NKD1: variants seen among roughly 807,000 people sequenced by gnomAD.
NKD1 encodes the protein protein naked cuticle homolog 1.
A neutral mutation model predicts 56.0 loss-of-function variants in NKD1; 21 were observed. The ratio of observed to expected loss-of-function variants is 0.38; its 90% CI spans 0.27 to 0.54. NKD1 has a LOEUF of 0.54. NKD1 is among the 20% of genes least tolerant of loss of function. The pLI, the probability that NKD1 is intolerant of heterozygous loss-of-function variation, is 0.82. For missense variants in NKD1, 578 were observed against 642.7 expected, an observed-to-expected ratio of 0.90 and a Z score of 1.09; for synonymous variants, 263 against 265.7, an observed-to-expected ratio of 0.99 and a Z score of 0.10.
At chr16:50,602,357 A>C (rs1278728509) in intron 3 of NKD1, among the ~76,000 whole-genome samples, 2 of 152,164 alleles carry the variant, frequency 1.3e-5, no homozygotes, top group Non-Finnish European at 2.9e-5. Flanking sequence ...TGTGAGCATC[A>C]TCTTGTCTGG....
At chr16:50,571,055 T>G in intron 3 of NKD1, 2 of 945,974 alleles carry the variant, frequency 2.1e-6, no homozygotes, top group Non-Finnish European at 2.5e-6. Flanking sequence ...GGACATCTCC[T>G]CCCTGGGGCT....
At chr16:50,561,467 C>G (rs1372503630) in intron 3 of NKD1, among the ~76,000 whole-genome samples, 4 of 151,864 alleles carry the variant, frequency 2.6e-5, no homozygotes, top group African/African-American at 9.7e-5. Context: ...CACTTTGGAC[C>G]AAGCCTGGGA....
chr16:50,621,686 C>A lies in NKD1; in HGVS notation c.344C>A (p.Ser115Tyr), dbSNP rs759941356. The change falls in exon 5 of 10, where the codon TCC becomes TAC. Residue 115 changes from serine (S) to tyrosine (Y), a missense_variant. Transcript: ENST00000268459. ...AGAGTGAGCGAACCCTGCCCAGGCT[C>A]CAAGAAGCAGCTGAAGTTTGAAGTA... ...MERVSEPCPG[S>Y]KKQLKFEELQ... The A allele has an allele frequency of 4.4e-5, 71 of 1,613,676 alleles. No homozygotes were observed. The highest frequency in any genetic ancestry group is 5.9e-5 in the Non-Finnish European group (70 of 1,179,834).
At chr16:50,571,482 C>T (rs1431100906) in intron 3 of NKD1, 1 of 985,304 alleles carries the variant, frequency 1.0e-6, no homozygotes, top group African/African-American at 1.7e-5. Context: ...CACACCCAAA[C>T]AGCCTGTCGG....
Position 50,633,654 on chromosome 16 carries a change from G to A in NKD1, c.1286G>A (p.Arg429Gln), listed in dbSNP as rs762606234. 13 of 1,605,278 alleles carry A rather than the reference G, an allele frequency of 8.1e-6. No individual in the cohort carries two copies. Among genetic ancestry groups the A allele is most frequent in the South Asian group, 3.3e-5 (3 of 90,022 alleles). Residue 429 changes from arginine to glutamine, a missense_variant, in exon 10 of 10, where the codon CGG becomes CAG. Arg to Gln is a conservative substitution (Grantham distance 43, BLOSUM62 1). Coordinates refer to ENST00000268459, the MANE Select transcript of NKD1 (RefSeq NM_033119.5). The surrounding 1 kb of genome is among the most constrained non-coding windows in gnomAD (Gnocchi z 4.9). Reference sequence around the variant, plus strand: ...GCCTCAGGTGGCCCTGTCCTGGGGCGGGAGCACCTGCGGGAGCTGCCCGCC... The same window carrying A: ...GCCTCAGGTGGCCCTGTCCTGGGGCAGGAGCACCTGCGGGAGCTGCCCGCC... The part of the protein sequence containing the change: ...PLASGGPVLG[R>Q]EHLRELPALV...
At position 50,589,827 on chromosome 16, in the gene NKD1, C is replaced by T. The variant is rs976207691; in HGVS notation, c.193-18467C>T. 1.8e-4 allele frequency among the ~76,000 whole-genome samples: 19 copies of T among 107,750 alleles called. 1 individual carries two copies. The highest frequency in any genetic ancestry group is 6.2e-4 in the African/African-American group (17 of 27,248). The allele number at this position is 107,750 out of a possible 152,430, so 70.7% of individuals were successfully genotyped here. On this transcript the variant is annotated intron_variant, in intron 3 of 9. Coordinates refer to ENST00000268459, the MANE Select transcript of NKD1 (RefSeq NM_033119.5). ...CTCTCCTCTCCTCTCCTCTCCTCTC[C>T]TCTCTTTTCTCTTCTCTTTTTTTTC...
Position 50,632,128 on chromosome 16 carries a change from GTA to G in NKD1, c.696-150_696-149del, listed in dbSNP as rs1316751698. On this transcript the variant is annotated intron_variant, in intron 8 of 9. Coordinates refer to ENST00000268459, the MANE Select transcript of NKD1 (RefSeq NM_033119.5). This position sits in a 1 kb window ranked among gnomAD's most constrained non-coding sequence, Gnocchi z 4.1. ...AAGGAGGGAAATGGAGGCACAGTTCGTATAGAGGACTGTTCCTCCCCACCCTC... is the reference window on the plus strand; with the variant it reads ...AAGGAGGGAAATGGAGGCACAGTTCGTAGAGGACTGTTCCTCCCCACCCTC... Among the ~76,000 whole-genome samples the G allele has an allele frequency of 2.0e-5, 3 of 152,208 alleles. No homozygotes were observed. Among genetic ancestry groups the G allele is most frequent in the Non-Finnish European group, 4.4e-5 (3 of 68,036 alleles).
At chr16:50,616,182 C>A (rs1555490889) in intron 4 of NKD1, 14 of 425,466 alleles carry the variant, frequency 3.3e-5, no homozygotes, top group South Asian at 2.1e-4. Flanking sequence ...CAGACTCTAG[C>A]AAGGAAGTTC....
chr16:50,573,943 CTT>C (rs1332695390), intron 3 of NKD1: 1 of 985,164 alleles, frequency 1.0e-6, no homozygotes, highest in Admixed American at 6.1e-5. Context: ...CCAGCAGTCT[CTT>C]TTTAACACAC....
chr16:50,606,981 A>G (rs1420964647), intron 3 of NKD1: 1 of 456,904 alleles, frequency 2.2e-6, no homozygotes, highest in Admixed American at 2.3e-5. Flanking sequence ...CTGTTAACAC[A>G]AACAGCCAGT....
intron 3 of NKD1, among the ~76,000 whole-genome samples, chr16:50,584,719 C>T (rs892008350): frequency 3.3e-5 from 5 of 152,206 alleles, no homozygotes; most frequent in African/African-American, 1.2e-4. Context: ...GCCATAGGCA[C>T]ATGGAGAATT....
rs80172218 is a variant in NKD1 at position 50,632,908 on chromosome 16, C to T, written c.824-284C>T. Among the ~76,000 whole-genome samples the T allele has an allele frequency of 0.013, 1,948 of 152,218 alleles. 46 individuals carry two copies. Among genetic ancestry groups the T allele is most frequent in the African/African-American group, 0.045 (1,851 of 41,520 alleles). ...CAATATACTTAGAGTTCTTTCTTGC[C>T]CCAGTGACCTTAGATAGTTTTCGGG... On this transcript the variant is annotated intron_variant, in intron 9 of 9. Transcript: ENST00000268459. The surrounding 1 kb of genome is among the most constrained non-coding windows in gnomAD (Gnocchi z 4.1).
chr16:50,555,327 C>T (rs1247761832), intron 3 of NKD1: 7 of 152,466 alleles, frequency 4.6e-5, no homozygotes, highest in East Asian at 3.9e-4. Context: ...TGGAAAGCCT[C>T]GTGCATTGGT....
chr16:50,625,732 G>A (rs1353612441), intron 6 of NKD1, 152 bp downstream of exon 6: 7 of 628,800 alleles, frequency 1.1e-5, no homozygotes, highest in South Asian at 3.7e-5. Flanking sequence ...GAGCTCCTGC[G>A]AGATCTGGAG....
intron 8 of NKD1, among the ~76,000 whole-genome samples, chr16:50,631,733 G>A (rs542557891): frequency 6.5e-4 from 99 of 152,284 alleles, no homozygotes; most frequent in Non-Finnish European, 1.2e-3. Context: ...GAAAGCCTCT[G>A]GCAGCATCTC....
chr16:50,621,347 A>G (rs914581612), intron 4 of NKD1, among the ~76,000 whole-genome samples: 1 of 152,196 alleles, frequency 6.6e-6, no homozygotes, highest in African/African-American at 2.4e-5. Flanking sequence ...ATAGGGCAGA[A>G]GTCATAGGCT....
rs1316486112 is a variant in NKD1 at position 50,598,958 on chromosome 16, G to A, written c.193-9336G>A. Reference sequence around the variant, plus strand: ...TCAGTGGTGTGGTGGGGTCAGTGGTGTGGTGGGCAGTGGCTTAGAGAGGTC... The same window carrying A: ...TCAGTGGTGTGGTGGGGTCAGTGGTATGGTGGGCAGTGGCTTAGAGAGGTC... On this transcript the variant is annotated intron_variant, in intron 3 of 9. Transcript: ENST00000268459. This position sits in a 1 kb window ranked among gnomAD's most constrained non-coding sequence, Gnocchi z 4.2. 6.6e-6 allele frequency among the ~76,000 whole-genome samples: 1 copy of A among 152,020 alleles called. No homozygotes were observed.
In NKD1 at chr16:50,643,279, T is replaced by TTA. The variant is rs1023211267; in HGVS notation, c.*9499_*9500dup. On this transcript the variant is annotated 3_prime_UTR_variant, in exon 10 of 10. Transcript: ENST00000268459. ...AGAGGAAACCAACGAGGAAACAGAG[T>TTA]TACAGTTCAGTTAAGCAACTTACCT... 2 of 152,220 alleles carry TTA rather than the reference T, an allele frequency of 1.3e-5. No homozygotes were observed. Among genetic ancestry groups the TTA allele is most frequent in the African/African-American group, 4.8e-5 (2 of 41,448 alleles). The allele number at this position is 152,220 out of a possible 1,614,324, so 9.4% of individuals were successfully genotyped here.
intron 3 of NKD1, chr16:50,573,703 T>A (rs964399482): frequency 1.2e-5 from 7 of 567,018 alleles, no homozygotes; most frequent in African/African-American, 2.0e-5. Flanking sequence ...TCTGAATTTA[T>A]CTGGCAGCTG....
Sources: gnomAD v4.1 joint callset for allele counts (sites outside exome capture counted in the v4.1 genomes callset) on GRCh38, gnomAD v4.1.1 for gene constraint, Gnocchi (gnomAD v3.1) non-coding constraint, MANE v1.5 for transcripts, NCBI Gene and HGNC (gene_info 2026-07-23, HGNC 2026-07-21) for gene names.